DUSP16: variants seen among roughly 807,000 people sequenced by gnomAD.
DUSP16 encodes dual specificity phosphatase 16.
A neutral mutation model predicts 58.3 loss-of-function variants in DUSP16; 21 were observed. That is an observed-to-expected ratio of 0.36 (90% CI 0.26 to 0.52). The LOEUF (loss-of-function observed/expected upper bound fraction) is 0.52. Among genes scored for constraint, DUSP16 ranks in the 20% least tolerant of loss-of-function variants. DUSP16 has a pLI of 0.94. For synonymous variants in DUSP16, 320 were observed against 323.8 expected, an observed-to-expected ratio of 0.99 and a Z score of 0.12; for missense variants, 726 against 819.0, an observed-to-expected ratio of 0.89 and a Z score of 1.39.
chr12:12,499,527 A>AC (rs753244952), intron 4 of DUSP16, among the ~76,000 whole-genome samples: 14 of 152,262 alleles, frequency 9.2e-5, no homozygotes, highest in Non-Finnish European at 1.5e-4. Context: ...CTACCCAATG[A>AC]CCCGATGATC....
chr12:12,551,231 G>A (rs896441629), intron 1 of DUSP16, among the ~76,000 whole-genome samples: 1 of 151,882 alleles, frequency 6.6e-6, no homozygotes, highest in African/African-American at 2.4e-5. Flanking sequence ...GCTGCTGGCC[G>A]TGGCTCACAC....
At chr12:12,542,373 C>CA (rs1566045653) in intron 1 of DUSP16, among the ~76,000 whole-genome samples, 1 of 81,796 alleles carries the variant, frequency 1.2e-5, no homozygotes, top group African/African-American at 4.7e-5. Flanking sequence ...AACTTCATCT[C>CA]AAAAAAAGAA....
chr12:12,487,497 C>T (rs1207107827), intron 4 of DUSP16, among the ~76,000 whole-genome samples: 1 of 152,154 alleles, frequency 6.6e-6, no homozygotes, highest in Non-Finnish European at 1.5e-5. Flanking sequence ...AAGAAAACAA[C>T]AGTTTATATG....
intron 1 of DUSP16, among the ~76,000 whole-genome samples, chr12:12,533,116 C>G (rs886704297): frequency 6.6e-6 from 1 of 152,100 alleles, no homozygotes; most frequent in Non-Finnish European, 1.5e-5. Context: ...ATGTTTATGA[C>G]TATGAAGCTA....
chr12:12,505,289 C>A (rs1943976159), intron 3 of DUSP16, among the ~76,000 whole-genome samples: 1 of 152,202 alleles, frequency 6.6e-6, no homozygotes, highest in South Asian at 2.1e-4. Flanking sequence ...GGGGTCCTGG[C>A]CTCCCCAGCT....
intron 3 of DUSP16, among the ~76,000 whole-genome samples, chr12:12,505,715 C>T (rs758573847): frequency 6.6e-6 from 1 of 152,130 alleles, no homozygotes; most frequent in Non-Finnish European, 1.5e-5. Context: ...AAGTGTGGCT[C>T]TAGAAAGTTC....
At position 12,543,936 on chromosome 12, in the gene DUSP16, A is replaced by G. The variant is rs576275225; in HGVS notation, c.-366+18181T>C. 2.0e-5 allele frequency among the ~76,000 whole-genome samples: 3 copies of G among 151,978 alleles called. No homozygotes were observed. The South Asian group carries it at 6.2e-4, about 32-fold the overall frequency. On this transcript the variant is annotated intron_variant, in intron 1 of 6. Transcript: ENST00000298573. ...ACTAATGAAAAAGGAAACTAATACA[A>G]TCTTGTATGCCACTTACTCCTGTGG...
intron 1 of DUSP16, among the ~76,000 whole-genome samples, chr12:12,529,127 T>C (rs919665907): frequency 2.0e-5 from 3 of 152,232 alleles, no homozygotes; most frequent in Non-Finnish European, 4.4e-5. Flanking sequence ...TTGTTGTTTT[T>C]TGAGACAGGG....
At chr12:12,528,761 T>C (rs1382939017) in intron 1 of DUSP16, among the ~76,000 whole-genome samples, 2 of 152,166 alleles carry the variant, frequency 1.3e-5, no homozygotes, top group Admixed American at 6.5e-5. Context: ...TCTAATTTAG[T>C]GATGGGGGAC....
In DUSP16 at chr12:12,520,875, T is replaced by C. The variant is rs771430262; in HGVS notation, c.224A>G (p.His75Arg). The change falls in exon 2 of 7, where the codon CAT becomes CGT. Residue 75 changes from histidine (H) to arginine (R), a missense_variant. Coordinates refer to ENST00000298573, the MANE Select transcript of DUSP16 (RefSeq NM_030640.3). ...GGCAAAAAGGAAAGCGTTTACCTTA[T>C]GTTTCGCTGAATGCTGGATGAGCTC... ...ITELIQHSAK[H>R]KVDIDCSQKV... 3.7e-6 allele frequency: 6 copies of C among 1,614,090 alleles called. No homozygotes were observed. The highest frequency in any genetic ancestry group is 2.2e-5 in the East Asian group (1 of 44,904).
intron 3 of DUSP16, among the ~76,000 whole-genome samples, chr12:12,506,807 C>G (rs1944004323): frequency 6.6e-6 from 1 of 152,236 alleles, no homozygotes; most frequent in African/African-American, 2.4e-5. Flanking sequence ...TGCTAAAACC[C>G]ATGTTTCTGT....
intron 1 of DUSP16, among the ~76,000 whole-genome samples, chr12:12,529,089 G>GC (rs1353556012): frequency 6.6e-6 from 1 of 152,172 alleles, no homozygotes; most frequent in Non-Finnish European, 1.5e-5. Flanking sequence ...TGGAAATGAT[G>GC]CATTTCCAGG....
intron 1 of DUSP16, among the ~76,000 whole-genome samples, chr12:12,550,699 G>A (rs1944712210): frequency 6.6e-6 from 1 of 151,864 alleles, no homozygotes; most frequent in African/African-American, 2.4e-5. Flanking sequence ...ATCACACGCT[G>A]GGGTCTGTTG....
chr12:12,481,175 A>AT (rs1943557555), intron 5 of DUSP16, among the ~76,000 whole-genome samples: 1 of 152,168 alleles, frequency 6.6e-6, no homozygotes, highest in African/African-American at 2.4e-5. Context: ...ACCAGGAGTT[A>AT]TTGTCTTATG....
chr12:12,510,565 G>C (rs995856756), intron 3 of DUSP16, among the ~76,000 whole-genome samples: 1 of 152,140 alleles, frequency 6.6e-6, no homozygotes, highest in East Asian at 1.9e-4. Context: ...GGATAACTGC[G>C]TTTCACATAT....
chr12:12,520,143 G>C, intron 2 of DUSP16, 143 bp from the exon 3 acceptor site: 1 of 875,556 alleles, frequency 1.1e-6, no homozygotes, highest in Non-Finnish European at 1.7e-6. Flanking sequence ...ATGAGATGTA[G>C]TCAATTTACG....
At chr12:12,510,854 C>G (rs11610879) in intron 3 of DUSP16, among the ~76,000 whole-genome samples, 68,290 of 151,914 alleles carry the variant, frequency 0.45, 16,377 homozygotes, top group Non-Finnish European at 0.53. Flanking sequence ...GGGCAGAGGA[C>G]AGAGCCTCTG....
rs555180132 is a variant in DUSP16 at position 12,501,670 on chromosome 12, C to T, written c.368-988G>A. Among the ~76,000 whole-genome samples, 31 of 152,250 alleles carry T rather than the reference C, an allele frequency of 2.0e-4. No individual in the cohort carries two copies. The South Asian group carries it at 4.6e-3, about 22-fold the overall frequency. ...GTCCGAATCAAGGAGATTTGGATGA[C>T]GGGATCCTCGTATATTTTTAACATT... On this transcript the variant is annotated intron_variant, in intron 3 of 6. Coordinates refer to ENST00000298573, the MANE Select transcript of DUSP16 (RefSeq NM_030640.3).
At chr12:12,528,040 G>A (rs1566028432) in intron 1 of DUSP16, among the ~76,000 whole-genome samples, 1 of 152,192 alleles carries the variant, frequency 6.6e-6, no homozygotes, top group South Asian at 2.1e-4. Context: ...TCAGGGCAAG[G>A]AGCACTCCCC....
Sources: gnomAD v4.1 joint callset for allele counts (sites outside exome capture counted in the v4.1 genomes callset) on GRCh38, gnomAD v4.1.1 for gene constraint, MANE v1.5 for transcripts, NCBI Gene and HGNC (gene_info 2026-07-23, HGNC 2026-07-21) for gene names.